ADRA1B: variants seen among roughly 807,000 people sequenced by gnomAD.
ADRA1B encodes the protein adrenoceptor alpha 1B, also known as alpha-1B adrenergic receptor.
ADRA1B carries 17 observed loss-of-function variants against 17.9 expected under a neutral mutation model. The observed-to-expected ratio is 0.95, with a 90% confidence interval of 0.65 to 1.42. The LOEUF is 1.42. Ranked by LOEUF, ADRA1B falls within the 40% of genes most tolerant of loss-of-function variation. ADRA1B has a pLI of 0.00. For synonymous variants in ADRA1B, 366 were observed against 327.6 expected (o/e 1.12, Z -1.27); for missense variants, 681 against 722.1 (o/e 0.94, Z 0.65).
Position 159,865,174 on chromosome 5 carries a change from C to T in ADRA1B, c.-288C>T, listed in dbSNP as rs186663515. 3.7e-4 allele frequency: 57 copies of T among 152,212 alleles called. 1 individual carries two copies. The highest frequency in any genetic ancestry group is 7.1e-4 in the Non-Finnish European group (48 of 68,022). 9.4% of individuals were successfully genotyped at this position (152,212 alleles called of 1,614,324 possible). A position where few individuals can be genotyped will look rare whatever the true frequency, so the allele number is the denominator to read the frequency against. On this transcript the variant is annotated 5_prime_UTR_variant, in exon 1 of 3. Coordinates refer to the ADRA1B transcript ENST00000641205. ...AAAATCTGAGGGATCCTCACAGAAA[C>T]GGGGCGCACTTTGGAATGAAGGAGC...
chr5:159,980,419 T>G, the ADRA1B span, among the ~76,000 whole-genome samples: 1 of 152,128 alleles, frequency 6.6e-6, no homozygotes, highest in Non-Finnish European at 1.5e-5. Flanking sequence ...ATGAGAAATG[T>G]TTTCTCTTAC....
chr5:159,950,868 C>T (rs1561605794), intron 1 of ADRA1B: 1 of 591,628 alleles, frequency 1.7e-6, no homozygotes, highest in Non-Finnish European at 3.2e-6. Flanking sequence ...TTGGCAGTGC[C>T]AGTAGAGGCA....
At position 159,916,937 on chromosome 5, in the gene ADRA1B, C is replaced by T. The variant is rs1307876682; in HGVS notation, c.32C>T (p.Thr11Ile). Residue 11 changes from threonine to isoleucine, a missense_variant, in exon 1 of 2, where the codon ACA (threonine) becomes ATA (isoleucine). Transcript: ENST00000306675. MNPDLDTGHN[T>I]SAPAHWGELK... is the part of the protein sequence containing the mutation. The stretch of plus-strand genomic sequence containing the variant: ...CCCGACCTGGACACCGGCCACAACA[C>T]ATCAGCACCTGCCCACTGGGGAGAG... 8 of 1,613,574 alleles carry T rather than the reference C, an allele frequency of 5.0e-6. No homozygotes were observed. Among genetic ancestry groups the T allele is most frequent in the Non-Finnish European group, 5.9e-6 (7 of 1,179,768 alleles).
intron 1 of ADRA1B, among the ~76,000 whole-genome samples, chr5:159,930,595 A>G (rs189834071): frequency 2.0e-5 from 3 of 152,318 alleles, no homozygotes; most frequent in Admixed American, 2.0e-4. Flanking sequence ...AAACAAACAA[A>G]CAAAAAAAAT....
At position 159,972,175 on chromosome 5, in the gene ADRA1B, G is replaced by T; in HGVS notation, c.1246G>T (p.Gly416Cys). 5.1e-6 allele frequency: 7 copies of T among 1,362,866 alleles called. No individual in the cohort carries two copies. Among genetic ancestry groups the T allele is most frequent in the Non-Finnish European group, 6.7e-6 (7 of 1,051,150 alleles). The allele number at this position is 1,362,866 out of a possible 1,614,324, so 84.4% of individuals were successfully genotyped here. The change falls in exon 2 of 2, where the codon GGC becomes TGC. Residue 416 changes from glycine (G) to cysteine (C), a missense_variant. Coordinates refer to ENST00000306675, the MANE Select transcript of ADRA1B (RefSeq NM_000679.4). ...SLDDSGSCLS[G>C]SQRTLPSASP... is the part of the protein sequence containing the mutation. ...GGACGACAGCGGCAGCTGCCTGAGC[G>T]GCAGCCAGCGGACCCTGCCCTCGGC...
chr5:159,977,970 A>G (rs940976490), downstream of ADRA1B, among the ~76,000 whole-genome samples: 2 of 151,922 alleles, frequency 1.3e-5, no homozygotes, highest in Admixed American at 6.6e-5. Flanking sequence ...CTCGGTGATC[A>G]TCCGATTTCT....
intron 1 of ADRA1B, among the ~76,000 whole-genome samples, chr5:159,965,878 C>T (rs1755768684): frequency 1.3e-5 from 2 of 151,994 alleles, no homozygotes; most frequent in Non-Finnish European, 2.9e-5. Flanking sequence ...GGCTGTAGAG[C>T]AATGGAGCGA....
At chr5:159,925,993 C>T (rs564675503) in intron 1 of ADRA1B, among the ~76,000 whole-genome samples, 35 of 152,310 alleles carry the variant, frequency 2.3e-4, no homozygotes, top group South Asian at 2.3e-3. Flanking sequence ...CGTGACTGCT[C>T]TTTCTCCTCT....
intron 1 of ADRA1B, chr5:159,937,586 G>C (rs1483757938): frequency 1.3e-5 from 2 of 152,202 alleles, no homozygotes; most frequent in Non-Finnish European, 2.9e-5. Flanking sequence ...GAGTACCTGG[G>C]ACTACAGGCG....
chr5:159,961,477 G>A (rs1444652844), intron 1 of ADRA1B, among the ~76,000 whole-genome samples: 2 of 152,186 alleles, frequency 1.3e-5, no homozygotes, highest in African/African-American at 4.8e-5. Context: ...AATAAAAATG[G>A]AAAAACCTTG....
At chr5:159,924,290 C>T (rs1214067214) in intron 1 of ADRA1B, among the ~76,000 whole-genome samples, 4 of 152,026 alleles carry the variant, frequency 2.6e-5, no homozygotes, top group African/African-American at 4.8e-5. Context: ...TGTCTCTGTG[C>T]GTGTGTATGT....
chr5:159,930,383 A>G (rs561829347), intron 1 of ADRA1B, among the ~76,000 whole-genome samples: 2 of 152,204 alleles, frequency 1.3e-5, no homozygotes, highest in Admixed American at 6.5e-5. Flanking sequence ...TAATCCCAAC[A>G]CTTTGGGAGG....
intron 1 of ADRA1B, among the ~76,000 whole-genome samples, chr5:159,939,272 AGAGAGAGTGTGT>A (rs1428240045): frequency 1.8e-4 from 14 of 76,344 alleles, no homozygotes; most frequent in South Asian, 8.2e-4. Flanking sequence ...AGAGAGAGAG[AGAGAGAGTGTGT>A]GTGTGTGTGT....
the ADRA1B span, among the ~76,000 whole-genome samples, chr5:159,979,289 A>T: frequency 6.6e-6 from 1 of 152,250 alleles, no homozygotes; most frequent in East Asian, 1.9e-4. Flanking sequence ...CCCATTTATT[A>T]GTTGTGTCTT....
chr5:159,941,999 T>A (rs1755144268), intron 1 of ADRA1B, among the ~76,000 whole-genome samples: 1 of 147,938 alleles, frequency 6.8e-6, no homozygotes, highest in Non-Finnish European at 1.5e-5. Context: ...CTTGGCTCAC[T>A]GCAAGCTCCA....
In ADRA1B at chr5:159,917,712, G is replaced by A; in HGVS notation, c.807G>A (p.Lys269=). ...ACGAGGACACCCTTAGCAGTACCAAGGCCAAGGGCCACAACCCCAGGAGTT... is the reference window on the plus strand; with the variant it reads ...ACGAGGACACCCTTAGCAGTACCAAAGCCAAGGGCCACAACCCCAGGAGTT... ...NFHEDTLSST[K]AKGHNPRSSI... The change falls in exon 1 of 2, where the codon AAG becomes AAA. Residue 269 remains lysine (K), a synonymous_variant. Coordinates refer to ENST00000306675, the MANE Select transcript of ADRA1B (RefSeq NM_000679.4). 1.2e-6 allele frequency: 2 copies of A among 1,614,012 alleles called. No homozygotes were observed. Among genetic ancestry groups the A allele is most frequent in the South Asian group, 1.1e-5 (1 of 91,082 alleles).
downstream of ADRA1B, among the ~76,000 whole-genome samples, chr5:159,973,913 AT>A: frequency 6.6e-6 from 1 of 152,292 alleles, no homozygotes; most frequent in South Asian, 2.1e-4. Flanking sequence ...TTCTTCAGAG[AT>A]GCAGAAAAGC....
chr5:159,945,899 C>T (rs555901846), intron 1 of ADRA1B, among the ~76,000 whole-genome samples: 61 of 152,242 alleles, frequency 4.0e-4, no homozygotes, highest in Non-Finnish European at 7.1e-4. Context: ...AGGCGCCCGC[C>T]ACCATGCCTG....
At chr5:159,911,226 G>C (rs1754224361) in intron 1 of ADRA1B, among the ~76,000 whole-genome samples, 1 of 152,196 alleles carries the variant, frequency 6.6e-6, no homozygotes, top group Non-Finnish European at 1.5e-5. Flanking sequence ...GCAAGGGTCA[G>C]CCAGAGCCAT....
Sources: allele counts gnomAD v4.1 joint callset (sites outside exome capture counted in the v4.1 genomes callset), GRCh38; gene constraint gnomAD v4.1.1; transcripts MANE v1.5; gene names NCBI Gene and HGNC (gene_info 2026-07-23, HGNC 2026-07-21).